Variants in RANBP2 observed in about 807,000 individuals in gnomAD.
RANBP2 encodes E3 SUMO-protein ligase RanBP2.
Under a neutral mutation model 303.6 loss-of-function variants are expected in RANBP2, and 57 were observed. The ratio of observed to expected loss-of-function variants is 0.19; its 90% CI spans 0.15 to 0.23. The LOEUF (loss-of-function observed/expected upper bound fraction) is 0.23, where lower values mean the gene tolerates loss of function less well. Among genes scored for constraint, RANBP2 ranks in the 10% least tolerant of loss-of-function variants. The pLI, the probability that RANBP2 is intolerant of heterozygous loss-of-function variation, is 1.00. For synonymous variants in RANBP2, 1,167 were observed against 1,301.5 expected (o/e 0.90, Z 2.23); for missense variants, 3,138 against 3,780.8 (o/e 0.83, Z 4.46).
At chr2:109,287,817 C>T in the RANBP2 span, among the ~76,000 whole-genome samples, 4 of 152,168 alleles carry the variant, frequency 2.6e-5, no homozygotes, top group African/African-American at 7.2e-5. Context: ...AGTTTTAGGG[C>T]GCTGCACTCT....
chr2:109,662,757 A>C, the RANBP2 span, among the ~76,000 whole-genome samples: 3 of 152,152 alleles, frequency 2.0e-5, no homozygotes, highest in African/African-American at 7.2e-5. Context: ...ATCTCTTGCA[A>C]ATAAACCTAA....
the RANBP2 span, among the ~76,000 whole-genome samples, chr2:109,017,418 A>G: frequency 0.99 from 150,683 of 152,314 alleles, 74,563 homozygotes; most frequent in South Asian, 1. Flanking sequence ...GAGAGCGAGC[A>G]AGTGGTGGAA....
chr2:109,699,461 A>G, the RANBP2 span, among the ~76,000 whole-genome samples: 1 of 152,244 alleles, frequency 6.6e-6, no homozygotes, highest in Non-Finnish European at 1.5e-5. Flanking sequence ...ACCAATGACC[A>G]GAACAGTCAG....
the RANBP2 span, among the ~76,000 whole-genome samples, chr2:109,134,108 T>G: frequency 6.6e-6 from 1 of 152,236 alleles, no homozygotes; most frequent in Non-Finnish European, 1.5e-5. Flanking sequence ...TGCTGCATGC[T>G]GGGCACTTTG....
the RANBP2 span, among the ~76,000 whole-genome samples, chr2:109,271,545 A>C: frequency 6.6e-6 from 1 of 152,368 alleles, no homozygotes; most frequent in Non-Finnish European, 1.5e-5. Flanking sequence ...GGAACCCCTC[A>C]AACTCAAGAT....
chr2:109,645,401 C>T, the RANBP2 span, among the ~76,000 whole-genome samples: 1 of 152,230 alleles, frequency 6.6e-6, no homozygotes, highest in South Asian at 2.1e-4. Flanking sequence ...CTGAAATTCA[C>T]CCTTTCAGCC....
the RANBP2 span, among the ~76,000 whole-genome samples, chr2:108,934,086 C>G: frequency 6.6e-6 from 1 of 152,188 alleles, no homozygotes; most frequent in Admixed American, 6.5e-5. Flanking sequence ...ACCTTAGTGT[C>G]AACCAGGAGC....
chr2:109,505,911 G>A, the RANBP2 span, among the ~76,000 whole-genome samples: 4 of 152,212 alleles, frequency 2.6e-5, no homozygotes, highest in Non-Finnish European at 5.9e-5. Context: ...TCTGGAGAGG[G>A]TGCCTGGCAG....
the RANBP2 span, among the ~76,000 whole-genome samples, chr2:109,153,845 T>A: frequency 3.3e-5 from 5 of 152,242 alleles, 1 homozygote; most frequent in African/African-American, 1.2e-4. Context: ...TCCTGAGGGC[T>A]GACTCCTGGT....
chr2:109,170,008 A>G, the RANBP2 span, among the ~76,000 whole-genome samples: 10 of 152,302 alleles, frequency 6.6e-5, no homozygotes, highest in African/African-American at 2.4e-4. Flanking sequence ...TTTCCTGAAT[A>G]GTCCTTTATC....
the RANBP2 span, among the ~76,000 whole-genome samples, chr2:109,041,685 CTTTTTTTTTT>C: frequency 0.016 from 1,298 of 82,070 alleles, 30 homozygotes; most frequent in African/African-American, 0.052. Flanking sequence ...CCATGCCCGG[CTTTTTTTTTT>C]TTTTTTTTTT....
chr2:109,175,641 A>G, the RANBP2 span, among the ~76,000 whole-genome samples: 4 of 152,184 alleles, frequency 2.6e-5, no homozygotes, highest in African/African-American at 9.7e-5. Flanking sequence ...TGGAAACCTT[A>G]TTTTTAAGGA....
chr2:108,914,098 T>C, the RANBP2 span, among the ~76,000 whole-genome samples: 1 of 150,842 alleles, frequency 6.6e-6, no homozygotes, highest in Non-Finnish European at 1.5e-5. Context: ...GCATCTCTAC[T>C]GAATACAAAA....
At position 108,765,967 on chromosome 2, in the gene RANBP2, A is replaced by G. The variant is rs143681482; in HGVS notation, c.5428A>G (p.Thr1810Ala). 3.0e-5 allele frequency: 49 copies of G among 1,614,008 alleles called. No homozygotes were observed. In the African/African-American group the frequency reaches 4.8e-4, roughly 16 times the overall value. Residue 1810 changes from threonine to alanine, a missense_variant, in exon 20 of 29, where the codon ACT becomes GCT. This residue lies in a region of RANBP2 where 348 missense variants were observed against 360.4 expected (regional missense o/e 0.97). Transcript: ENST00000283195. ...KCVACDASKP[T>A]HKPIAEAPSA... ...TGTGGCTTGTGATGCCTCTAAACCA[A>G]CTCATAAACCTATTGCAGAAGCTCC...
chr2:108,742,517 G>A (rs976910260), intron 7 of RANBP2, among the ~76,000 whole-genome samples: 9 of 151,486 alleles, frequency 5.9e-5, no homozygotes, highest in Non-Finnish European at 1.0e-4. Context: ...TGTTAGCCAG[G>A]ATGGTCTCGA....
the RANBP2 span, among the ~76,000 whole-genome samples, chr2:108,956,674 AT>A: frequency 6.6e-6 from 1 of 152,142 alleles, no homozygotes; most frequent in African/African-American, 2.4e-5. Context: ...TGCCACCAGA[AT>A]TTGCTGAAAA....
the RANBP2 span, among the ~76,000 whole-genome samples, chr2:109,352,813 C>A: frequency 1.3e-5 from 2 of 152,192 alleles, no homozygotes; most frequent in Non-Finnish European, 2.9e-5. Flanking sequence ...AGCAGAGCAC[C>A]CTCTTAGCCA....
At chr2:109,433,850 G>C in the RANBP2 span, among the ~76,000 whole-genome samples, 2 of 152,346 alleles carry the variant, frequency 1.3e-5, no homozygotes, top group Middle Eastern at 3.4e-3. Flanking sequence ...GGAAAAGCTT[G>C]AGAAGCAAAC....
chr2:109,251,685 C>G, the RANBP2 span: 2 of 1,113,460 alleles, frequency 1.8e-6, no homozygotes, highest in South Asian at 2.6e-5. Context: ...CATGTCCTCT[C>G]TTCATAGGTT....
Sources: allele counts gnomAD v4.1 joint callset (sites outside exome capture counted in the v4.1 genomes callset), GRCh38; gene constraint gnomAD v4.1.1; regional missense constraint gnomAD v4.1.1; transcripts MANE v1.5; gene names NCBI Gene and HGNC (gene_info 2026-07-23, HGNC 2026-07-21).